SLC2A13: variants seen among roughly 807,000 people sequenced by gnomAD.
SLC2A13 encodes the protein proton myo-inositol cotransporter.
Under a neutral mutation model 64.4 loss-of-function variants are expected in SLC2A13, and 32 were observed. That is an observed-to-expected ratio of 0.50 (90% CI 0.37 to 0.67). The LOEUF (loss-of-function observed/expected upper bound fraction) is 0.67. SLC2A13 is among the 30% of genes least tolerant of loss of function. The pLI, the probability that SLC2A13 is intolerant of heterozygous loss-of-function variation, is 0.00. For missense variants in SLC2A13, 743 were observed against 829.2 expected, an observed-to-expected ratio of 0.90 and a Z score of 1.28; for synonymous variants, 338 against 327.1, an observed-to-expected ratio of 1.03 and a Z score of -0.36.
intron 1 of SLC2A13, among the ~76,000 whole-genome samples, chr12:40,054,977 T>A (rs1297880056): frequency 6.6e-6 from 1 of 152,178 alleles, no homozygotes; most frequent in Non-Finnish European, 1.5e-5. Flanking sequence ...TGCTTTATCA[T>A]CTCTAAAGAA....
intron 4 of SLC2A13, among the ~76,000 whole-genome samples, chr12:39,912,141 G>A (rs1411959497): frequency 6.6e-6 from 1 of 151,756 alleles, no homozygotes; most frequent in Non-Finnish European, 1.5e-5. Context: ...GAATTCAATA[G>A]ATATAATTTT....
At chr12:39,845,727 T>C (rs1269573967) in intron 6 of SLC2A13, among the ~76,000 whole-genome samples, 1 of 152,132 alleles carries the variant, frequency 6.6e-6, no homozygotes, top group Non-Finnish European at 1.5e-5. Context: ...GTGTAATCAT[T>C]TGCTCTCACA....
chr12:39,937,465 T>C (rs1945936558), intron 4 of SLC2A13, among the ~76,000 whole-genome samples: 1 of 152,206 alleles, frequency 6.6e-6, no homozygotes, highest in African/African-American at 2.4e-5. Context: ...GACAAGGTTC[T>C]GCTTTATTGG....
At chr12:40,098,046 T>G (rs1287007751) in intron 1 of SLC2A13, among the ~76,000 whole-genome samples, 1 of 150,952 alleles carries the variant, frequency 6.6e-6, no homozygotes, top group African/African-American at 2.4e-5. Flanking sequence ...TATGTATATA[T>G]GTGTATATAT....
At chr12:39,862,401 G>T (rs1393229218) in intron 6 of SLC2A13, among the ~76,000 whole-genome samples, 1 of 152,158 alleles carries the variant, frequency 6.6e-6, no homozygotes, top group African/African-American at 2.4e-5. Flanking sequence ...GTGGTCTATA[G>T]ATTTCTACAA....
intron 3 of SLC2A13, among the ~76,000 whole-genome samples, chr12:39,997,177 T>C (rs987290995): frequency 1.3e-5 from 2 of 152,018 alleles, no homozygotes; most frequent in African/African-American, 2.4e-5. Context: ...TATACCAGTA[T>C]AAAAATAAGC....
In SLC2A13 at chr12:39,938,080, G is replaced by A. The variant is rs146288459; in HGVS notation, c.1034+13177C>T. On this transcript the variant is annotated intron_variant, in intron 4 of 9. Transcript: ENST00000280871. ...TAGAGGGTAAAGAAGGTGGATTAAC[G>A]GTGGGATGTTTCTGCTTTCCACAAA... is the stretch of plus-strand genomic sequence containing the variant. 2.2e-4 allele frequency among the ~76,000 whole-genome samples: 33 copies of A among 152,198 alleles called. 1 individual carries two copies. The highest frequency in any genetic ancestry group is 7.7e-4 in the African/African-American group (32 of 41,538).
At chr12:39,832,206 A>G (rs1237141210) in intron 6 of SLC2A13, among the ~76,000 whole-genome samples, 3 of 152,176 alleles carry the variant, frequency 2.0e-5, no homozygotes, top group Admixed American at 2.0e-4. Context: ...AAGTACACTG[A>G]GTGTCTGGCT....
chr12:39,943,090 AAC>A (rs1256418186), intron 4 of SLC2A13, among the ~76,000 whole-genome samples: 6 of 152,276 alleles, frequency 3.9e-5, no homozygotes, highest in Admixed American at 3.3e-4. Context: ...GAGACTGTGG[AAC>A]AGCAAAGACT....
intron 2 of SLC2A13, among the ~76,000 whole-genome samples, chr12:40,042,343 A>C (rs1026227970): frequency 4.6e-5 from 7 of 152,198 alleles, no homozygotes; most frequent in African/African-American, 1.7e-4. Context: ...TACAAATCAC[A>C]TGATGACTAT....
In SLC2A13 at chr12:40,105,424, C is replaced by A; in HGVS notation, c.385G>T (p.Gly129Trp). 6.4e-7 allele frequency: 1 copy of A among 1,552,116 alleles called. No homozygotes were observed. The highest frequency in any genetic ancestry group is 8.7e-7 in the Non-Finnish European group (1 of 1,148,884). ...GCCAGCGCCGAGACGGCAGCCGCCCCCACCGTGCTGGACACCAGCAGCTCC... is the reference window on the plus strand; with the variant it reads ...GCCAGCGCCGAGACGGCAGCCGCCCACACCGTGCTGGACACCAGCAGCTCC... ...WQELLVSSTV[G>W]AAAVSALAGG... is the part of the protein sequence containing the mutation. Residue 129 changes from glycine (G) to tryptophan (W), a missense_variant, in exon 1 of 10, where the codon GGG becomes TGG. Around this residue, in one of 2 missense-constraint regions of SLC2A13, gnomAD observed 448 missense variants for 447.4 expected, o/e 1.00. Transcript: ENST00000280871. This position sits in a 1 kb window ranked among gnomAD's most constrained non-coding sequence, Gnocchi z 4.2.
At chr12:39,969,859 C>G (rs2136127955) in intron 3 of SLC2A13, among the ~76,000 whole-genome samples, 1 of 152,316 alleles carries the variant, frequency 6.6e-6, no homozygotes, top group African/African-American at 2.4e-5. Context: ...GTGTTTTAGA[C>G]ATGAAGTCCT....
intron 7 of SLC2A13, among the ~76,000 whole-genome samples, chr12:39,798,089 A>G (rs1483416426): frequency 6.6e-6 from 1 of 152,170 alleles, no homozygotes; most frequent in Non-Finnish European, 1.5e-5. Context: ...CTTTGGAGGA[A>G]GCTAGCTACC....
chr12:39,971,358 T>C (rs1181358561), intron 3 of SLC2A13, among the ~76,000 whole-genome samples: 2 of 152,224 alleles, frequency 1.3e-5, no homozygotes, highest in Non-Finnish European at 2.9e-5. Flanking sequence ...AATTTGGTTT[T>C]TAAAAATATT....
intron 7 of SLC2A13, among the ~76,000 whole-genome samples, chr12:39,786,341 G>A (rs1481895554): frequency 4.1e-5 from 3 of 73,628 alleles, no homozygotes; most frequent in Non-Finnish European, 8.7e-5. Context: ...TTCTCTTGCT[G>A]CTGCCATGTA....
intron 6 of SLC2A13, among the ~76,000 whole-genome samples, chr12:39,854,296 TA>T (rs934604935): frequency 6.6e-6 from 1 of 152,136 alleles, no homozygotes; most frequent in African/African-American, 2.4e-5. Context: ...GGGTAATAGG[TA>T]ATATTCAAAA....
At chr12:40,057,991 A>T (rs1349428156) in intron 1 of SLC2A13, among the ~76,000 whole-genome samples, 1 of 151,992 alleles carries the variant, frequency 6.6e-6, no homozygotes, top group Non-Finnish European at 1.5e-5. Flanking sequence ...TTATCTTTCC[A>T]TCTAGGGCAT....
rs976591878 is a variant in SLC2A13 at position 40,048,081 on chromosome 12, G to C, written c.686C>G (p.Ala229Gly). 13 of 1,611,982 alleles carry C rather than the reference G, an allele frequency of 8.1e-6. No homozygotes were observed. The highest frequency in any genetic ancestry group is 1.7e-5 in the Admixed American group (1 of 59,440). The change falls in exon 2 of 10, where the codon GCC (alanine) becomes GGC (glycine). Residue 229 changes from alanine (A) to glycine (G), a missense_variant. Ala to Gly is a moderately conservative substitution (Grantham distance 60, BLOSUM62 0). Coordinates refer to ENST00000280871, the MANE Select transcript of SLC2A13 (RefSeq NM_052885.4). Reference sequence around the variant, plus strand: ...TCCATCCTTCTGGAGATAACTGAAGGCTCCATCAACAACACTTGCAAAGAA... The same window carrying C: ...TCCATCCTTCTGGAGATAACTGAAGCCTCCATCAACAACACTTGCAAAGAA... The part of the protein sequence containing the change: ...GQFFASVVDG[A>G]FSYLQKDGWR...
At chr12:40,050,401 A>G (rs1948235761) in intron 1 of SLC2A13, among the ~76,000 whole-genome samples, 1 of 152,200 alleles carries the variant, frequency 6.6e-6, no homozygotes, top group Non-Finnish European at 1.5e-5. Context: ...TCAGACCCTG[A>G]TAAAGTTCGA....
Sources: allele counts gnomAD v4.1 joint callset (sites outside exome capture counted in the v4.1 genomes callset), GRCh38; gene constraint gnomAD v4.1.1; regional missense constraint gnomAD v4.1.1; non-coding constraint Gnocchi (gnomAD v3.1); transcripts MANE v1.5; gene names NCBI Gene and HGNC (gene_info 2026-07-23, HGNC 2026-07-21).